The following PDE12 variants were observed in gnomAD, a reference collection of about 807,000 sequenced individuals.
PDE12 encodes 2',5'-phosphodiesterase 12.
In PDE12, 26 loss-of-function variants were observed where a neutral mutation model predicts 45.4. That is an observed-to-expected ratio of 0.57 (90% confidence interval 0.42 to 0.79). The LOEUF is 0.79. Ranked by LOEUF, PDE12 falls within the 30% of genes least tolerant of loss-of-function variation. PDE12 has a pLI of 0.00. For missense variants in PDE12, 668 were observed against 790.0 expected (o/e 0.85, Z 1.85); for synonymous variants, 283 against 323.9 (o/e 0.87, Z 1.36).
At chr3:57,569,415 C>T (rs1023771906), downstream of PDE12, among the ~76,000 whole-genome samples, 2 of 152,032 alleles carry the variant, frequency 1.3e-5, no homozygotes, top group African/African-American at 4.8e-5. Flanking sequence ...TGCAATGGTG[C>T]GGTCTTGGCT....
the PDE12 span, among the ~76,000 whole-genome samples, chr3:57,650,439 CACACACATACAT>C: frequency 6.6e-6 from 1 of 151,714 alleles, no homozygotes; most frequent in Admixed American, 6.6e-5. Flanking sequence ...CACACACACA[CACACACATACAT>C]ACACACACAC....
the PDE12 span, chr3:57,645,574 G>A: frequency 1.1e-6 from 1 of 944,444 alleles, no homozygotes; most frequent in Non-Finnish European, 1.6e-6. Flanking sequence ...AGATCATTCT[G>A]CCTATAAGCT....
chr3:57,618,607 G>GTTTTTTTTTTTTTTTTTTTT, the PDE12 span, among the ~76,000 whole-genome samples: 1 of 79,390 alleles, frequency 1.3e-5, no homozygotes, highest in Non-Finnish European at 2.3e-5. Context: ...TTGCTTTTGT[G>GTTTTTTTTTTTTTTTTTTTT]TTTTTTTTTT....
the PDE12 span, among the ~76,000 whole-genome samples, chr3:57,650,138 G>A: frequency 3.3e-5 from 5 of 152,024 alleles, no homozygotes; most frequent in South Asian, 6.2e-4. Flanking sequence ...GAACTCAGTG[G>A]GGAAAGGGAG....
At chr3:57,644,730 G>T in the PDE12 span, among the ~76,000 whole-genome samples, 1 of 16,798 alleles carries the variant, frequency 6.0e-5, no homozygotes, top group Non-Finnish European at 1.1e-4. Flanking sequence ...GGAGAGGAGG[G>T]GAAGGGAGGG....
rs1026547189 is a variant in PDE12, at chr3:57,564,987, C to T, written c.*4983C>T. 1.3e-5 allele frequency: 2 copies of T among 150,766 alleles called. No homozygotes were observed. Among genetic ancestry groups the T allele is most frequent in the African/African-American group, 4.9e-5 (2 of 40,774 alleles). 9.3% of individuals were successfully genotyped at this position (150,766 alleles called of 1,614,324 possible). ...TGAGCCACCCCACCCAGTCAGCACA[C>T]ATTTTTTTTTTTTTTAAATAAGACA... On this transcript the variant is annotated 3_prime_UTR_variant, in exon 3 of 3. Coordinates refer to ENST00000311180, the MANE Select transcript of PDE12 (RefSeq NM_177966.7).
At chr3:57,577,985 AGG>A in the PDE12 span, among the ~76,000 whole-genome samples, 2,443 of 152,204 alleles carry the variant, frequency 0.016, 35 homozygotes, top group Admixed American at 0.032. Context: ...CCCGAGACGG[AGG>A]TTGCAGGGAG....
the PDE12 span, among the ~76,000 whole-genome samples, chr3:57,639,306 T>C: frequency 6.6e-6 from 1 of 152,198 alleles, no homozygotes. Context: ...CCTCATACAT[T>C]GCTGGTAAGA....
the PDE12 span, among the ~76,000 whole-genome samples, chr3:57,643,754 G>T: frequency 6.6e-6 from 1 of 150,836 alleles, no homozygotes; most frequent in East Asian, 1.9e-4. Flanking sequence ...TTGAACCCAG[G>T]AGGTGAAGTT....
chr3:57,620,699 T>C, the PDE12 span, among the ~76,000 whole-genome samples: 1 of 152,034 alleles, frequency 6.6e-6, no homozygotes, highest in African/African-American at 2.4e-5. Context: ...TTTTGAAAAA[T>C]TGTAAATTTA....
chr3:57,556,646 G>A lies in PDE12; in HGVS notation c.267G>A (p.Ala89=). 6.2e-7 allele frequency: 1 copy of A among 1,601,602 alleles called. No homozygotes were observed. Among genetic ancestry groups the A allele is most frequent in the Non-Finnish European group, 8.5e-7 (1 of 1,171,226 alleles). ...ATNALKGHAK[A]AAAKKSRKSR... is the part of the protein sequence containing the mutation. ...ATGCCCTAAAGGGTCACGCTAAGGC[G>A]GCCGCCGCCAAGAAGAGCAGGAAGA... The change falls in exon 1 of 3, where the codon GCG becomes GCA. Residue 89 remains alanine, a synonymous_variant. Coordinates refer to ENST00000311180, the MANE Select transcript of PDE12 (RefSeq NM_177966.7). This position sits in a 1 kb window ranked among gnomAD's most constrained non-coding sequence, Gnocchi z 5.0.
At chr3:57,645,669 G>C in the PDE12 span, 5 of 1,610,066 alleles carry the variant, frequency 3.1e-6, no homozygotes, top group African/African-American at 6.7e-5. Flanking sequence ...ACGGAGCTTG[G>C]GTACGGGTAG....
At chr3:57,641,273 A>T in the PDE12 span, among the ~76,000 whole-genome samples, 1 of 144,226 alleles carries the variant, frequency 6.9e-6, no homozygotes, top group Admixed American at 7.1e-5. Flanking sequence ...ATGTTATATT[A>T]AAATATATAT....
At chr3:57,628,717 A>G in the PDE12 span, 1 of 1,292,464 alleles carries the variant, frequency 7.7e-7, no homozygotes, top group African/African-American at 1.5e-5. Flanking sequence ...TTAAAAAGTT[A>G]CTTCTGCGAA....
chr3:57,630,495 C>G, the PDE12 span: 2 of 1,590,260 alleles, frequency 1.3e-6, no homozygotes, highest in Non-Finnish European at 1.7e-6. Context: ...TTAAACCAGC[C>G]ATCAAAATTT....
chr3:57,569,951 T>C (rs1353422761), downstream of PDE12, among the ~76,000 whole-genome samples: 1 of 151,598 alleles, frequency 6.6e-6, no homozygotes, highest in African/African-American at 2.4e-5. Context: ...TTTGCATAAC[T>C]AGGTTAAATA....
chr3:57,568,885 G>C (rs531960150), downstream of PDE12, among the ~76,000 whole-genome samples: 5 of 150,716 alleles, frequency 3.3e-5, no homozygotes, highest in African/African-American at 9.8e-5. Context: ...ATGCTTATTG[G>C]ACAGGGGAAC....
At chr3:57,649,235 G>T in the PDE12 span, among the ~76,000 whole-genome samples, 3 of 152,194 alleles carry the variant, frequency 2.0e-5, no homozygotes, top group South Asian at 2.1e-4. Context: ...TATACAAATT[G>T]CCAACAAACA....
chr3:57,656,388 T>C, the PDE12 span, among the ~76,000 whole-genome samples: 7 of 152,330 alleles, frequency 4.6e-5, no homozygotes, highest in Non-Finnish European at 8.8e-5. Flanking sequence ...TAGTATTCCA[T>C]GTGCATTCAT....
Sources: gnomAD v4.1 joint callset for allele counts (sites outside exome capture counted in the v4.1 genomes callset) on GRCh38, gnomAD v4.1.1 for gene constraint, Gnocchi (gnomAD v3.1) non-coding constraint, MANE v1.5 for transcripts, NCBI Gene and HGNC (gene_info 2026-07-23, HGNC 2026-07-21) for gene names.